FGF12: variants seen among roughly 807,000 people sequenced by gnomAD.
FGF12 encodes the protein fibroblast growth factor 12B.
In FGF12, 14 loss-of-function variants were observed where a neutral mutation model predicts 23.6. That is an observed-to-expected ratio of 0.59 (90% CI 0.39 to 0.93). The LOEUF (loss-of-function observed/expected upper bound fraction) is 0.93. Ranked by LOEUF, FGF12 falls within the 40% of genes least tolerant of loss-of-function variation. The probability of loss-of-function intolerance (pLI) is 0.00; values close to 1 mark genes in which losing one functional copy is unlikely to be tolerated. For missense variants in FGF12, 175 were observed against 217.8 expected, an observed-to-expected ratio of 0.80 and a Z score of 1.24; for synonymous variants, 62 against 77.3, an observed-to-expected ratio of 0.80 and a Z score of 1.04.
At chr3:192,255,066 A>C (rs1374383530) in intron 4 of FGF12, among the ~76,000 whole-genome samples, 3 of 151,992 alleles carry the variant, frequency 2.0e-5, no homozygotes, top group African/African-American at 4.8e-5. Flanking sequence ...TCCCCTGTTT[A>C]CCAGCTGTGA....
chr3:192,328,323 G>A (rs1716922471), intron 4 of FGF12, among the ~76,000 whole-genome samples: 2 of 152,330 alleles, frequency 1.3e-5, no homozygotes, highest in South Asian at 4.1e-4. Flanking sequence ...TATCTGTGGA[G>A]TCAGAGGCTG....
At chr3:192,550,041 T>C (rs1323060165) in intron 2 of FGF12, among the ~76,000 whole-genome samples, 2 of 152,030 alleles carry the variant, frequency 1.3e-5, no homozygotes, top group African/African-American at 4.8e-5. Flanking sequence ...TATATATGTA[T>C]ATTATATATA....
chr3:192,204,452 A>G (rs1171717246), intron 4 of FGF12, among the ~76,000 whole-genome samples: 1 of 152,166 alleles, frequency 6.6e-6, no homozygotes, highest in Non-Finnish European at 1.5e-5. Flanking sequence ...GTGCCACTAA[A>G]TATTTTAGTC....
At chr3:192,652,323 C>T (rs953169481) in intron 2 of FGF12, among the ~76,000 whole-genome samples, 3 of 152,212 alleles carry the variant, frequency 2.0e-5, no homozygotes, top group African/African-American at 4.8e-5. Flanking sequence ...CAAGGGAAGG[C>T]GTGCCAACAT....
intron 2 of FGF12, among the ~76,000 whole-genome samples, chr3:192,489,380 C>G (rs1329814937): frequency 6.6e-6 from 1 of 151,948 alleles, no homozygotes; most frequent in African/African-American, 2.4e-5. Context: ...ATTCTTCACT[C>G]CAATGCCGTC....
intron 5 of FGF12, among the ~76,000 whole-genome samples, chr3:192,149,965 C>G (rs1713957632): frequency 8.4e-6 from 1 of 118,990 alleles, no homozygotes; most frequent in Non-Finnish European, 1.8e-5. Flanking sequence ...TCCACGTCCT[C>G]TCCAGCACCT....
At chr3:192,263,626 T>C (rs894426731) in intron 4 of FGF12, among the ~76,000 whole-genome samples, 1 of 152,052 alleles carries the variant, frequency 6.6e-6, no homozygotes, top group African/African-American at 2.4e-5. Flanking sequence ...AAGTTTCTTT[T>C]TTAATGCTCC....
At chr3:192,586,586 G>C (rs1486292874) in intron 2 of FGF12, among the ~76,000 whole-genome samples, 5 of 152,132 alleles carry the variant, frequency 3.3e-5, no homozygotes, top group African/African-American at 1.2e-4. Context: ...TCCAGAAAGA[G>C]CTTAATTGCC....
intron 2 of FGF12, among the ~76,000 whole-genome samples, chr3:192,497,866 T>C (rs1265688141): frequency 6.6e-6 from 1 of 152,226 alleles, no homozygotes; most frequent in Non-Finnish European, 1.5e-5. Flanking sequence ...TGCAAGTTGT[T>C]TATTTATTGT....
chr3:192,146,065 C>T (rs1317152890), intron 5 of FGF12, among the ~76,000 whole-genome samples: 1 of 152,112 alleles, frequency 6.6e-6, no homozygotes, highest in Non-Finnish European at 1.5e-5. Context: ...TCATATGATA[C>T]CATAAAATAG....
At chr3:192,267,154 T>C (rs1713130097) in intron 4 of FGF12, 1 of 151,806 alleles carries the variant, frequency 6.6e-6, no homozygotes, top group Non-Finnish European at 1.5e-5. Flanking sequence ...GCAATGGAGG[T>C]TTAATTGAGT....
At chr3:192,173,209 G>A (rs1426139076) in intron 4 of FGF12, among the ~76,000 whole-genome samples, 1 of 150,818 alleles carries the variant, frequency 6.6e-6, no homozygotes, top group African/African-American at 2.4e-5. Context: ...TACCGGTGAT[G>A]TTTGCAAAAC....
chr3:192,447,384 A>G (rs1374543749), intron 2 of FGF12, among the ~76,000 whole-genome samples: 1 of 151,832 alleles, frequency 6.6e-6, no homozygotes, highest in Non-Finnish European at 1.5e-5. Context: ...GACGCTCTCC[A>G]AATACTCATT....
intron 4 of FGF12, among the ~76,000 whole-genome samples, chr3:192,246,503 A>G (rs533799958): frequency 6.6e-6 from 1 of 152,186 alleles, no homozygotes; most frequent in African/African-American, 2.4e-5. Context: ...ACCTGGTTCT[A>G]ATTGACATAA....
chr3:192,246,626 C>T (rs1464713402), intron 4 of FGF12, among the ~76,000 whole-genome samples: 1 of 151,930 alleles, frequency 6.6e-6, no homozygotes, highest in East Asian at 1.9e-4. Context: ...GAGTTCTAGA[C>T]CAGCCTGGAC....
chr3:192,512,612 A>G (rs1724514521), intron 2 of FGF12, among the ~76,000 whole-genome samples: 1 of 151,634 alleles, frequency 6.6e-6, no homozygotes, highest in Non-Finnish European at 1.5e-5. Context: ...ATAAGTTTAA[A>G]AGAGTCACAA....
At chr3:192,412,047 A>C (rs1297645597) in intron 2 of FGF12, among the ~76,000 whole-genome samples, 2 of 152,206 alleles carry the variant, frequency 1.3e-5, no homozygotes, top group Non-Finnish European at 2.9e-5. Context: ...ACGAAGTGGA[A>C]GTCTGTATGG....
chr3:192,403,446 G>T (rs1425296243), intron 2 of FGF12, among the ~76,000 whole-genome samples: 1 of 151,968 alleles, frequency 6.6e-6, no homozygotes, highest in Admixed American at 6.5e-5. Flanking sequence ...ATAATTTGTT[G>T]TTGAGAATGC....
intron 4 of FGF12, among the ~76,000 whole-genome samples, chr3:192,303,771 T>C (rs1431342784): frequency 2.0e-5 from 3 of 152,208 alleles, no homozygotes; most frequent in Admixed American, 2.0e-4. Context: ...AATTTTTCCA[T>C]CTCTTAAAAT....
Sources: gnomAD v4.1 joint callset for allele counts (sites outside exome capture counted in the v4.1 genomes callset) on GRCh38, gnomAD v4.1.1 for gene constraint, MANE v1.5 for transcripts, NCBI Gene and HGNC (gene_info 2026-07-23, HGNC 2026-07-21) for gene names.